The following TET2 variants were observed in gnomAD, a reference collection of about 807,000 sequenced individuals.
The protein encoded by TET2 is methylcytosine dioxygenase TET2.
A neutral mutation model predicts 142.9 loss-of-function variants in TET2; 299 were observed. The observed-to-expected ratio is 2.09, with a 90% CI of 1.90 to 2.30. TET2 has a LOEUF of 2.30. Among genes scored for constraint, TET2 ranks in the 30% most tolerant of loss-of-function variants. TET2 has a pLI of 0.00. For synonymous variants in TET2, 819 were observed against 849.0 expected, an observed-to-expected ratio of 0.96 and a Z score of 0.61; for missense variants, 2,418 against 2,378.0, an observed-to-expected ratio of 1.02 and a Z score of -0.35.
chr4:105,244,647 G>A (rs1417666204), intron 6 of TET2, among the ~76,000 whole-genome samples: 4 of 139,250 alleles, frequency 2.9e-5, no homozygotes, highest in Admixed American at 2.3e-4. Context: ...CCAGGCTGGA[G>A]TGCAATGGCG....
rs560562364 is a variant in TET2, at chr4:105,264,083, G to A, written c.4044+2235G>A. On this transcript the variant is annotated intron_variant, in intron 8 of 10. Transcript: ENST00000380013. Reference sequence around the variant, plus strand: ...TTTAGCTACTCTTCTTTTCCACTGTGGACTTTAACGTCCCAAACATTTTTT... The same window carrying A: ...TTTAGCTACTCTTCTTTTCCACTGTAGACTTTAACGTCCCAAACATTTTTT... Among the ~76,000 whole-genome samples, 313 of 50,070 alleles carry A rather than the reference G, an allele frequency of 6.3e-3. 1 individual carries two copies. The highest frequency in any genetic ancestry group is 0.051 in the African/African-American group (304 of 5,956). 32.8% of individuals were successfully genotyped at this position (50,070 alleles called of 152,430 possible).
In TET2 at chr4:105,236,764, C is replaced by T. The variant is rs754278380; in HGVS notation, c.2822C>T (p.Pro941Leu). The change falls in exon 3 of 11, where the codon CCT (proline) becomes CTT (leucine). Residue 941 changes from proline to leucine, a missense_variant. Coordinates refer to ENST00000380013, the MANE Select transcript of TET2 (RefSeq NM_001127208.3). Reference protein sequence around the residue: ...PDQGGSHTQTPPQKDTQKHAA... With the variant: ...PDQGGSHTQTLPQKDTQKHAA... The stretch of plus-strand genomic sequence containing the variant: ...CAGGGAGGAAGTCACACTCAGACCC[C>T]TCCCCAGAAGGACACTCAAAAGCAT... 6.2e-7 allele frequency: 1 copy of T among 1,614,122 alleles called. No individual in the cohort carries two copies. Among genetic ancestry groups the T allele is most frequent in the South Asian group, 1.1e-5 (1 of 91,078 alleles).
chr4:105,163,782 C>G (rs17430132), intron 1 of TET2, among the ~76,000 whole-genome samples: 9,081 of 145,570 alleles, frequency 0.062, 380 homozygotes, highest in Non-Finnish European at 0.088. Flanking sequence ...AACAAGCAGT[C>G]TGGTGTTTGG....
intron 2 of TET2, among the ~76,000 whole-genome samples, chr4:105,212,133 C>T (rs1407763065): frequency 1.3e-5 from 2 of 152,224 alleles, no homozygotes; most frequent in Non-Finnish European, 2.9e-5. Context: ...CCCATGTCAG[C>T]ACTTTATCTG....
chr4:105,236,551 A>G lies in TET2; in HGVS notation c.2609A>G (p.Asn870Ser), dbSNP rs145766469. 9 of 1,614,020 alleles carry G rather than the reference A, an allele frequency of 5.6e-6. No homozygotes were observed. The African/African-American group carries it at 1.2e-4, about 22-fold the overall frequency. ...QNLHHMQYFP[N>S]NVIPKQDLLH... Reference sequence around the variant, plus strand: ...TTGCATCACATGCAATATTTTCCAAATAATGTGATCCCAAAGCAAGATCTT... The same window carrying G: ...TTGCATCACATGCAATATTTTCCAAGTAATGTGATCCCAAAGCAAGATCTT... Residue 870 changes from asparagine to serine, a missense_variant, in exon 3 of 11, where the codon AAT becomes AGT. Asn to Ser is a conservative substitution (Grantham distance 46). Coordinates refer to ENST00000380013, the MANE Select transcript of TET2 (RefSeq NM_001127208.3).
intron 9 of TET2, among the ~76,000 whole-genome samples, chr4:105,271,547 A>G (rs1054706489): frequency 2.0e-5 from 3 of 152,208 alleles, no homozygotes; most frequent in African/African-American, 7.2e-5. Flanking sequence ...AAAAGTAACA[A>G]GGTGCTCAGA....
intron 1 of TET2, among the ~76,000 whole-genome samples, chr4:105,165,503 C>T (rs1724106259): frequency 6.6e-6 from 1 of 152,180 alleles, no homozygotes; most frequent in Non-Finnish European, 1.5e-5. Flanking sequence ...TTGAGTGTCT[C>T]AAAATAGTTA....
At chr4:105,158,290 C>T (rs575401018) in intron 1 of TET2, among the ~76,000 whole-genome samples, 65 of 152,000 alleles carry the variant, frequency 4.3e-4, no homozygotes, top group African/African-American at 1.5e-3. Context: ...CCTTAATCCT[C>T]GGGGTTTTTG....
At chr4:105,220,745 C>T (rs577232546) in intron 2 of TET2, among the ~76,000 whole-genome samples, 12 of 152,250 alleles carry the variant, frequency 7.9e-5, no homozygotes, top group African/African-American at 2.9e-4. Flanking sequence ...ATGGAGCGTT[C>T]TTTAGAGAGG....
intron 2 of TET2, among the ~76,000 whole-genome samples, chr4:105,194,535 T>C (rs1202671773): frequency 6.6e-6 from 1 of 152,224 alleles, no homozygotes; most frequent in Non-Finnish European, 1.5e-5. Context: ...TACTGATTTC[T>C]CTTCAAATTT....
chr4:105,195,019 A>G (rs183107372), intron 2 of TET2, among the ~76,000 whole-genome samples: 245 of 151,966 alleles, frequency 1.6e-3, no homozygotes, highest in African/African-American at 5.2e-3. Context: ...TTATCTGACA[A>G]CCTTGGCAAT....
At chr4:105,208,207 TG>T (rs1726939737) in intron 2 of TET2, among the ~76,000 whole-genome samples, 2 of 152,126 alleles carry the variant, frequency 1.3e-5, no homozygotes, top group Non-Finnish European at 2.9e-5. Flanking sequence ...TAAATTCTCA[TG>T]TTTTTAAGGC....
At chr4:105,271,720 A>C (rs1004999946) in intron 9 of TET2, among the ~76,000 whole-genome samples, 1 of 152,234 alleles carries the variant, frequency 6.6e-6, no homozygotes, top group Non-Finnish European at 1.5e-5. Flanking sequence ...CATTGATCAA[A>C]AACACTAAAT....
intron 6 of TET2, among the ~76,000 whole-genome samples, chr4:105,258,774 AT>A (rs1384060790): frequency 1.3e-5 from 2 of 151,990 alleles, no homozygotes; most frequent in Non-Finnish European, 2.9e-5. Flanking sequence ...CTACCTGAAT[AT>A]TTTTTCTTGT....
At chr4:105,173,947 A>G (rs926304091) in intron 1 of TET2, among the ~76,000 whole-genome samples, 3 of 152,228 alleles carry the variant, frequency 2.0e-5, no homozygotes, top group Non-Finnish European at 4.4e-5. Context: ...TTACCCATGC[A>G]TGCAAAAATG....
chr4:105,258,851 G>A lies in TET2; in HGVS notation c.3804-768G>A, dbSNP rs114115631. Among the ~76,000 whole-genome samples, 1,267 of 152,022 alleles carry A rather than the reference G, an allele frequency of 8.3e-3. 16 individuals carry two copies. Among genetic ancestry groups the A allele is most frequent in the African/African-American group, 0.029 (1,203 of 41,446 alleles). On this transcript the variant is annotated intron_variant, in intron 6 of 10. Coordinates refer to ENST00000380013, the MANE Select transcript of TET2 (RefSeq NM_001127208.3). ...ATTGTCATTAGAATGTATCAAACTA[G>A]GGCTATAAAGCTGTAATACTATATT...
At chr4:105,206,166 C>A (rs1726811843) in intron 2 of TET2, among the ~76,000 whole-genome samples, 1 of 152,210 alleles carries the variant, frequency 6.6e-6, no homozygotes, top group Admixed American at 6.5e-5. Flanking sequence ...TGGGACCTCT[C>A]CCTTTCCTCA....
intron 2 of TET2, among the ~76,000 whole-genome samples, chr4:105,196,000 G>T (rs760920570): frequency 5.9e-5 from 9 of 152,108 alleles, no homozygotes; most frequent in Non-Finnish European, 1.2e-4. Context: ...TCACCAGCTT[G>T]CTTCCTATTG....
Position 105,234,715 on chromosome 4 carries a change from A to T in TET2, c.773A>T (p.Asn258Ile), listed in dbSNP as rs763316532. 2.5e-6 allele frequency: 4 copies of T among 1,614,090 alleles called. No individual in the cohort carries two copies. In the East Asian group the frequency reaches 8.9e-5, roughly 36 times the overall value. ...AATGCCATTAACAGTCAGGCTACTA[A>T]TGAGTTGTCCTGTGAGATCACTCAC... ...HINAINSQAT[N>I]ELSCEITHPS... The change falls in exon 3 of 11, where the codon AAT (asparagine) becomes ATT (isoleucine). Residue 258 changes from asparagine to isoleucine, a missense_variant. Physicochemically the swap from Asn to Ile is moderately radical, Grantham distance 149. Transcript: ENST00000380013.
Sources: gnomAD v4.1 joint callset for allele counts (sites outside exome capture counted in the v4.1 genomes callset) on GRCh38, gnomAD v4.1.1 for gene constraint, MANE v1.5 for transcripts, NCBI Gene and HGNC (gene_info 2026-07-23, HGNC 2026-07-21) for gene names.